Variants in SMAD2 observed in about 807,000 individuals in gnomAD.
SMAD2 encodes the protein MAD homolog 2.
Under a neutral mutation model 64.4 loss-of-function variants are expected in SMAD2, and 8 were observed. The observed-to-expected ratio is 0.12, with a 90% CI of 0.07 to 0.22. The LOEUF (loss-of-function observed/expected upper bound fraction) is 0.22, where lower values mean the gene tolerates loss of function less well. Ranked by LOEUF, SMAD2 falls within the 10% of genes least tolerant of loss-of-function variation. SMAD2 has a pLI of 1.00. For synonymous variants in SMAD2, 203 were observed against 195.8 expected (o/e 1.04, Z -0.31); for missense variants, 289 against 561.2 (o/e 0.51, Z 4.90).
chr18:47,872,873 T>A (rs2144392736), intron 2 of SMAD2, among the ~76,000 whole-genome samples: 1 of 152,252 alleles, frequency 6.6e-6, no homozygotes, highest in Non-Finnish European at 1.5e-5. Flanking sequence ...CGATTTAAAG[T>A]ATGAGAAAAT....
rs561974259 is a variant in SMAD2 at position 47,826,240 on chromosome 18, G to C, written c.*15587C>G. On this transcript the variant is annotated 3_prime_UTR_variant, in exon 11 of 11. Transcript: ENST00000262160. ...TAAGTCCCAGCTTGAGCATTCTTCA[G>C]CTTCTCCACATTTTCCATTGTTTGC... The C allele has an allele frequency of 6.6e-6, 1 of 152,366 alleles. No homozygotes were observed. Among genetic ancestry groups the C allele is most frequent in the East Asian group, 1.9e-4 (1 of 5,190 alleles). The allele number at this position is 152,366 out of a possible 1,614,324, so 9.4% of individuals were successfully genotyped here.
intron 5 of SMAD2, among the ~76,000 whole-genome samples, chr18:47,867,956 T>TCAG (rs1373132539): frequency 2.0e-5 from 3 of 152,214 alleles, no homozygotes; most frequent in Non-Finnish European, 4.4e-5. Context: ...GGGTGGATAT[T>TCAG]CAGTTACATG....
chr18:47,877,946 C>A (rs1177343365), intron 2 of SMAD2, among the ~76,000 whole-genome samples: 1 of 152,170 alleles, frequency 6.6e-6, no homozygotes, highest in Non-Finnish European at 1.5e-5. Context: ...GTAATTAAAT[C>A]TGGAGACAGT....
rs1913197091 is a variant in SMAD2 at position 47,834,260 on chromosome 18, A to G, written c.*7567T>C. 9.5e-6 allele frequency: 2 copies of G among 210,374 alleles called. No homozygotes were observed. Among genetic ancestry groups the G allele is most frequent in the East Asian group, 1.4e-4 (2 of 14,058 alleles). 13.0% of individuals were successfully genotyped at this position (210,374 alleles called of 1,614,324 possible). On this transcript the variant is annotated 3_prime_UTR_variant, in exon 11 of 11. Coordinates refer to ENST00000262160, the MANE Select transcript of SMAD2 (RefSeq NM_005901.6). ...TGTGCCTGGGACTTGTTTTGAGTTT[A>G]GCAAAAACTTTACAAGATTAAAAAT...
At chr18:47,850,374 TATATATA>T (rs1915146358) in intron 7 of SMAD2, among the ~76,000 whole-genome samples, 1 of 23,148 alleles carries the variant, frequency 4.3e-5, no homozygotes, top group African/African-American at 2.7e-4. Context: ...TAATATATAT[TATATATA>T]TTATATAATA....
chr18:47,854,016 G>C (rs2030414144), intron 6 of SMAD2, among the ~76,000 whole-genome samples: 1 of 151,904 alleles, frequency 6.6e-6, no homozygotes, highest in African/African-American at 2.4e-5. Context: ...AGATGTGACA[G>C]GTTAGAATTA....
At position 47,845,160 on chromosome 18, in the gene SMAD2, T is replaced by C. The variant is rs1052154893; in HGVS notation, c.1280+180A>G. On this transcript the variant is annotated intron_variant, in intron 10 of 10. Coordinates refer to ENST00000262160, the MANE Select transcript of SMAD2 (RefSeq NM_005901.6). ...GTGCATGTTTTAATATCTTCCATAA[T>C]GGCAGCTCAGTAATTTGCAACAGTT... The C allele has an allele frequency of 1.2e-5, 8 of 683,466 alleles. 1 individual carries two copies. Among genetic ancestry groups the C allele is most frequent in the Middle Eastern group, 7.3e-4 (2 of 2,738 alleles). The allele number at this position is 683,466 out of a possible 1,614,324, so 42.3% of individuals were successfully genotyped here.
intron 2 of SMAD2, among the ~76,000 whole-genome samples, chr18:47,884,300 T>C (rs113753351): frequency 8.5e-5 from 13 of 152,156 alleles, no homozygotes; most frequent in African/African-American, 2.7e-4. Flanking sequence ...CTTACACATA[T>C]TAAACCGCTT....
chr18:47,906,473 G>A (rs2033908241), intron 1 of SMAD2, among the ~76,000 whole-genome samples: 1 of 152,114 alleles, frequency 6.6e-6, no homozygotes, highest in Non-Finnish European at 1.5e-5. Context: ...GAGGTATTTA[G>A]TATCACCAAT....
At chr18:47,888,062 C>G (rs2144442969) in intron 2 of SMAD2, among the ~76,000 whole-genome samples, 1 of 152,234 alleles carries the variant, frequency 6.6e-6, no homozygotes, top group South Asian at 2.1e-4. Flanking sequence ...ATCTACTGTT[C>G]TCAGATTTGG....
rs1190196327 is a variant in SMAD2, at chr18:47,824,475, A to C, written c.*17352T>G. The C allele has an allele frequency of 2.0e-5, 3 of 152,224 alleles. No individual in the cohort carries two copies. The highest frequency in any genetic ancestry group is 7.2e-5 in the African/African-American group (3 of 41,460). The allele number at this position is 152,224 out of a possible 1,614,324, so 9.4% of individuals were successfully genotyped here. A position where few individuals can be genotyped will look rare whatever the true frequency, so the allele number is the denominator to read the frequency against. On this transcript the variant is annotated 3_prime_UTR_variant, in exon 11 of 11. Coordinates refer to ENST00000262160, the MANE Select transcript of SMAD2 (RefSeq NM_005901.6). ...TATATAATCTTTATCTGTCCTTTAA[A>C]AACCTGTCTTCCTTTACCTTCCTGA...
At chr18:47,888,630 T>C (rs761955057) in intron 2 of SMAD2, among the ~76,000 whole-genome samples, 47 of 152,168 alleles carry the variant, frequency 3.1e-4, no homozygotes, top group Non-Finnish European at 5.9e-4. Flanking sequence ...AAAATGGCAG[T>C]CTAGCCCCAC....
intron 6 of SMAD2, among the ~76,000 whole-genome samples, chr18:47,858,651 G>T (rs1046561843): frequency 6.6e-6 from 1 of 152,082 alleles, no homozygotes. Context: ...AATGAAACTA[G>T]AGTGGTGTAA....
intron 2 of SMAD2, 62 bp downstream of exon 2, chr18:47,896,459 A>G: frequency 1.3e-6 from 2 of 1,544,062 alleles, no homozygotes; most frequent in East Asian, 2.2e-5. Flanking sequence ...ACACAAATTC[A>G]GTAACTTTCC....
At position 47,836,744 on chromosome 18, in the gene SMAD2, G is replaced by A. The variant is rs1283417041; in HGVS notation, c.*5083C>T. On this transcript the variant is annotated 3_prime_UTR_variant, in exon 11 of 11. Coordinates refer to ENST00000262160, the MANE Select transcript of SMAD2 (RefSeq NM_005901.6). ...CTCAAAAAATTACATGAACACACGA[G>A]ATAAGTTCTTATCGTAAATGCTATC... is the stretch of plus-strand genomic sequence containing the variant. The A allele has an allele frequency of 4.6e-6, 1 of 219,558 alleles. No individual in the cohort carries two copies. The highest frequency in any genetic ancestry group is 2.3e-5 in the African/African-American group (1 of 44,252). 13.6% of individuals were successfully genotyped at this position (219,558 alleles called of 1,614,324 possible).
chr18:47,842,077 CG>C, intron 10 of SMAD2, 127 bp from the exon 11 acceptor site: 1 of 977,592 alleles, frequency 1.0e-6, no homozygotes, highest in Admixed American at 2.0e-5. Flanking sequence ...ATTTTGGACA[CG>C]ATTATTCCGC....
In SMAD2 at chr18:47,833,922, T is replaced by C. The variant is rs934255394; in HGVS notation, c.*7905A>G. ...GTTTAACCCCATAAGGACGCATGAT[T>C]TGTACTTACATATACACATAGGTTC... is the stretch of plus-strand genomic sequence containing the variant. On this transcript the variant is annotated 3_prime_UTR_variant, in exon 11 of 11. Coordinates refer to ENST00000262160, the MANE Select transcript of SMAD2 (RefSeq NM_005901.6). The C allele has an allele frequency of 7.5e-5, 17 of 225,906 alleles. No homozygotes were observed. Among genetic ancestry groups the C allele is most frequent in the African/African-American group, 3.8e-4 (17 of 44,718 alleles). 14.0% of individuals were successfully genotyped at this position (225,906 alleles called of 1,614,324 possible).
intron 1 of SMAD2, among the ~76,000 whole-genome samples, chr18:47,920,383 A>T (rs1010703616): frequency 6.6e-6 from 1 of 152,254 alleles, no homozygotes; most frequent in African/African-American, 2.4e-5. Flanking sequence ...AATCCGTATT[A>T]AAAACCATTG....
At chr18:47,897,796 G>A (rs2033506878) in intron 1 of SMAD2, among the ~76,000 whole-genome samples, 1 of 152,108 alleles carries the variant, frequency 6.6e-6, no homozygotes, top group Non-Finnish European at 1.5e-5. Context: ...TTTAAAAATT[G>A]TTTCGCTCCA....
Sources: allele counts gnomAD v4.1 joint callset (sites outside exome capture counted in the v4.1 genomes callset), GRCh38; gene constraint gnomAD v4.1.1; transcripts MANE v1.5; gene names NCBI Gene and HGNC (gene_info 2026-07-23, HGNC 2026-07-21).